Variants in PCDHA6 observed in about 807,000 individuals in gnomAD.
The protein encoded by PCDHA6 is protocadherin alpha 6.
Under a neutral mutation model 60.3 loss-of-function variants are expected in PCDHA6, and 55 were observed. That is an observed-to-expected ratio of 0.91 (90% CI 0.73 to 1.14). The LOEUF is 1.14. Among genes scored for constraint, PCDHA6 ranks in the 50% most tolerant of loss-of-function variants. The pLI is 0.00. For missense variants in PCDHA6, 1,327 were observed against 1,256.5 expected, an observed-to-expected ratio of 1.06 and a Z score of -0.85; for synonymous variants, 652 against 557.9, an observed-to-expected ratio of 1.17 and a Z score of -2.38.
intron 1 of PCDHA6, among the ~76,000 whole-genome samples, chr5:140,941,214 C>CTTTTT (rs1554214039): frequency 1.2e-4 from 15 of 122,492 alleles, no homozygotes; most frequent in African/African-American, 4.3e-4. Context: ...TTTCTTTCTT[C>CTTTTT]CTTTCTTTCT....
At chr5:141,007,535 T>C (rs1588169762) in intron 3 of PCDHA6, among the ~76,000 whole-genome samples, 1 of 152,050 alleles carries the variant, frequency 6.6e-6, no homozygotes, top group South Asian at 2.1e-4. Context: ...GCCACTGCAC[T>C]CCAGCTTGGG....
rs201271180 is a variant in PCDHA6, at chr5:140,836,512, T to A, written c.2394+6027T>A. 12 of 1,613,844 alleles carry A rather than the reference T, an allele frequency of 7.4e-6. No individual in the cohort carries two copies. The highest frequency in any genetic ancestry group is 1.0e-5 in the Non-Finnish European group (12 of 1,179,842). On this transcript the variant is annotated intron_variant, in intron 1 of 3. Coordinates refer to ENST00000529310, the MANE Select transcript of PCDHA6 (RefSeq NM_018909.4). ...ATCGCCATCTGCGCGGTGTCCAGTC[T>A]GTTGGTGCTTACCCTGCTGCTGTAC... is the stretch of plus-strand genomic sequence containing the variant.
chr5:140,978,907 G>T (rs782602741), intron 1 of PCDHA6, 42 bp from the exon 2 acceptor site: 3 of 1,613,648 alleles, frequency 1.9e-6, no homozygotes, highest in East Asian at 2.2e-5. Flanking sequence ...GGAGAACATT[G>T]TCTTGTCATT....
At chr5:140,857,283 T>C in intron 1 of PCDHA6, 1 of 1,598,740 alleles carries the variant, frequency 6.3e-7, no homozygotes, top group Non-Finnish European at 8.6e-7. Context: ...GACAGCGCTC[T>C]GGACCGCGAG....
intron 1 of PCDHA6, among the ~76,000 whole-genome samples, chr5:140,907,969 A>C (rs1355560411): frequency 1.3e-5 from 2 of 152,204 alleles, no homozygotes; most frequent in African/African-American, 4.8e-5. Flanking sequence ...CCAATTTTCC[A>C]ATCATGCTTC....
chr5:140,919,335 G>A (rs1347619989), intron 1 of PCDHA6, among the ~76,000 whole-genome samples: 2 of 152,122 alleles, frequency 1.3e-5, no homozygotes, highest in African/African-American at 4.8e-5. Context: ...CTTTCAATCT[G>A]TTTGTATCTT....
At chr5:140,848,137 T>G in intron 1 of PCDHA6, 1 of 195,782 alleles carries the variant, frequency 5.1e-6, no homozygotes, top group Non-Finnish European at 1.1e-5. Context: ...ATACAAAACT[T>G]TTAGAGGCAG....
At chr5:140,866,405 A>G (rs2049336607) in intron 1 of PCDHA6, 1 of 152,116 alleles carries the variant, frequency 6.6e-6, no homozygotes, top group Admixed American at 6.6e-5. Context: ...TCCCATGAAA[A>G]TCTTCAAATG....
At chr5:140,870,369 G>A (rs375892305) in intron 1 of PCDHA6, 117 of 1,614,088 alleles carry the variant, frequency 7.2e-5, no homozygotes, top group Admixed American at 2.3e-4. Context: ...CCTATGAACT[G>A]GTGGTGACTG....
At chr5:141,006,995 A>C (rs1277177404) in intron 3 of PCDHA6, among the ~76,000 whole-genome samples, 1 of 152,208 alleles carries the variant, frequency 6.6e-6, no homozygotes, top group Non-Finnish European at 1.5e-5. Flanking sequence ...TTAAAATATA[A>C]GTCTGCATCT....
At chr5:140,970,791 T>A (rs2096434096) in intron 1 of PCDHA6, among the ~76,000 whole-genome samples, 2 of 152,210 alleles carry the variant, frequency 1.3e-5, no homozygotes, top group South Asian at 2.1e-4. Flanking sequence ...GTATGTAATA[T>A]CCATATTGTT....
chr5:140,851,102 G>A, intron 1 of PCDHA6: 1 of 1,288,626 alleles, frequency 7.8e-7, no homozygotes, highest in Non-Finnish European at 1.0e-6. Flanking sequence ...ATATTTTTTG[G>A]GTGCTGAATC....
chr5:140,848,761 G>C lies in PCDHA6; in HGVS notation c.2394+18276G>C, dbSNP rs200597765. 1.3e-5 allele frequency: 21 copies of C among 1,593,458 alleles called. No individual in the cohort carries two copies. In the South Asian group the frequency reaches 2.2e-4, roughly 17 times the overall value. On this transcript the variant is annotated intron_variant, in intron 1 of 3. Coordinates refer to ENST00000529310, the MANE Select transcript of PCDHA6 (RefSeq NM_018909.4). Reference sequence around the variant, plus strand: ...AATGGCATTTTGTTTGTGAATTCTCGGATCGACCGCGAGGAGCTGTGCGGG... The same window carrying C: ...AATGGCATTTTGTTTGTGAATTCTCCGATCGACCGCGAGGAGCTGTGCGGG...
At position 140,926,851 on chromosome 5, in the gene PCDHA6, T is replaced by G. The variant is rs201136210; in HGVS notation, c.2395-52098T>G. On this transcript the variant is annotated intron_variant, in intron 1 of 3. Transcript: ENST00000529310. The stretch of plus-strand genomic sequence containing the variant: ...TCCGGAGCATGGTCCTGGGTCACCG[T>G]TGGTGTAGCGTGTTGGTGGAACGTG... 3 of 1,517,102 alleles carry G rather than the reference T, an allele frequency of 2.0e-6. No homozygotes were observed. In the African/African-American group the frequency reaches 4.2e-5, roughly 21 times the overall value. The allele number at this position is 1,517,102 out of a possible 1,614,324, so 94.0% of individuals were successfully genotyped here.
chr5:140,849,038 C>A, intron 1 of PCDHA6: 2 of 1,575,008 alleles, frequency 1.3e-6, no homozygotes, highest in Non-Finnish European at 1.7e-6. Context: ...TCTTCCTGGA[C>A]GTGCCAACCA....
rs1008533110 is a variant in PCDHA6 at position 140,836,734 on chromosome 5, A to G, written c.2394+6249A>G. The G allele has an allele frequency of 6.2e-7, 1 of 1,605,696 alleles. No homozygotes were observed. On this transcript the variant is annotated intron_variant, in intron 1 of 3. Transcript: ENST00000529310. ...CTTCCTCAGGGTCCATCCTCTACAG[A>G]CAATGTGAGTCATAAATAATCTTGT...
chr5:140,870,974 G>C, intron 1 of PCDHA6: 5 of 1,613,628 alleles, frequency 3.1e-6, no homozygotes, highest in Non-Finnish European at 4.2e-6. Context: ...TTCCGCGTGG[G>C]GCTGTACACG....
chr5:140,927,805 C>T (rs2084654444), intron 1 of PCDHA6: 1 of 1,614,074 alleles, frequency 6.2e-7, no homozygotes, highest in South Asian at 1.1e-5. Context: ...GCCTGAAACG[C>T]TCTTGGAGGC....
rs2150185526 is a variant in PCDHA6, at chr5:140,830,370, C to T, written c.2279C>T (p.Ser760Phe). Reference protein sequence around the residue: ...YSQQRRQRVCSGEGPPKMDLM... With the variant: ...YSQQRRQRVCFGEGPPKMDLM... ...CAGCAGAGGCGGCAGAGGGTGTGCT[C>T]CGGGGAGGGCCCACCCAAGATGGAT... is the stretch of plus-strand genomic sequence containing the variant. The change falls in exon 1 of 4, where the codon TCC becomes TTC. Residue 760 changes from serine (S) to phenylalanine (F), a missense_variant. Coordinates refer to ENST00000529310, the MANE Select transcript of PCDHA6 (RefSeq NM_018909.4). The T allele has an allele frequency of 1.6e-5, 26 of 1,614,014 alleles. No homozygotes were observed. In the East Asian group the frequency reaches 3.6e-4, roughly 22 times the overall value.
Sources: allele counts gnomAD v4.1 joint callset (sites outside exome capture counted in the v4.1 genomes callset), GRCh38; gene constraint gnomAD v4.1.1; transcripts MANE v1.5; gene names NCBI Gene and HGNC (gene_info 2026-07-23, HGNC 2026-07-21).